EDEM1: variants seen among roughly 807,000 people sequenced by gnomAD.
EDEM1 encodes ER degradation enhancing alpha-mannosidase like protein 1, also known as ER degradation-enhancing alpha-mannosidase-like protein 1.
EDEM1 carries 67 observed loss-of-function variants against 74.4 expected under a neutral mutation model. The ratio of observed to expected loss-of-function variants is 0.90; its 90% CI spans 0.74 to 1.10. EDEM1 has a LOEUF of 1.10. Ranked by LOEUF, EDEM1 falls within the 50% of genes least tolerant of loss-of-function variation. The pLI is 0.00. For synonymous variants in EDEM1, 382 were observed against 335.9 expected (o/e 1.14, Z -1.50); for missense variants, 926 against 851.6 (o/e 1.09, Z -1.09).
At position 5,211,103 on chromosome 3, in the gene EDEM1, A is replaced by G. The variant is rs77071113; in HGVS notation, c.1584-17A>G. The G allele has an allele frequency of 7.0e-3, 11,250 of 1,613,068 alleles. 665 individuals carry two copies. The African/African-American group carries it at 0.13, about 19-fold the overall frequency. ...GGAAGGAAGAGAGGCAGGACTGACC[A>G]GATGATTGTTTTGTAGGTGTGGGTA... On this transcript the variant is annotated splice_polypyrimidine_tract_variant and intron_variant, in intron 9 of 11. Transcript: ENST00000256497.
chr3:5,211,095 G>T, intron 9 of EDEM1, 25 bp from the exon 10 acceptor site: 2 of 1,610,790 alleles, frequency 1.2e-6, no homozygotes, highest in South Asian at 1.1e-5. Flanking sequence ...AGAGAGGCAG[G>T]ACTGACCAGA....
intron 10 of EDEM1, among the ~76,000 whole-genome samples, chr3:5,211,908 C>T (rs1445520647): frequency 1.3e-5 from 2 of 152,194 alleles, no homozygotes; most frequent in Non-Finnish European, 2.9e-5. Context: ...TACAGCCACT[C>T]TCGTGCCCCC....
rs186329245 is a variant in EDEM1 at position 5,200,534 on chromosome 3, T to C, written c.686+839T>C. On this transcript the variant is annotated intron_variant, in intron 3 of 11. Transcript: ENST00000256497. The stretch of plus-strand genomic sequence containing the variant: ...TACCTAGTATATTGTATATTGCTTT[T>C]TTTGATACATTGTGGTTATTTTCCT... Among the ~76,000 whole-genome samples the C allele has an allele frequency of 1.4e-3, 207 of 152,372 alleles. 1 individual carries two copies. The highest frequency in any genetic ancestry group is 4.9e-3 in the African/African-American group (202 of 41,590).
intron 11 of EDEM1, among the ~76,000 whole-genome samples, chr3:5,215,316 G>GA (rs374100110): frequency 3.4e-4 from 51 of 151,628 alleles, no homozygotes; most frequent in Admixed American, 9.2e-4. Flanking sequence ...TTTAATTAAA[G>GA]AAATAGTCTT....
chr3:5,218,635 G>C lies in EDEM1; in HGVS notation c.*2717G>C, dbSNP rs2055271748. 1 of 152,146 alleles carries C rather than the reference G, an allele frequency of 6.6e-6. No individual in the cohort carries two copies. The highest frequency in any genetic ancestry group is 6.5e-5 in the Admixed American group (1 of 15,278). The allele number at this position is 152,146 out of a possible 1,614,324, so 9.4% of individuals were successfully genotyped here. On this transcript the variant is annotated 3_prime_UTR_variant, in exon 12 of 12. Transcript: ENST00000256497. ...CTCAGTGTGGTGGAAACATTTTGCA[G>C]AACTGTTGTAGAAAGCTGCCTTATA...
chr3:5,191,774 A>G (rs1365257988), intron 1 of EDEM1, among the ~76,000 whole-genome samples: 1 of 152,186 alleles, frequency 6.6e-6, no homozygotes, highest in Non-Finnish European at 1.5e-5. Context: ...AACACTCTAA[A>G]AAGAGCAGAT....
intron 1 of EDEM1, 110 bp downstream of exon 1, chr3:5,188,424 A>C: frequency 8.2e-7 from 1 of 1,217,712 alleles, no homozygotes; most frequent in Non-Finnish European, 1.1e-6. Flanking sequence ...CAGGGCCGTT[A>C]GGGTCCCGGG....
Position 5,213,345 on chromosome 3 carries a change from C to G in EDEM1, c.1707C>G (p.His569Gln). 6.2e-7 allele frequency: 1 copy of G among 1,613,882 alleles called. No individual in the cohort carries two copies. Among genetic ancestry groups the G allele is most frequent in the Non-Finnish European group, 8.5e-7 (1 of 1,179,902 alleles). Residue 569 changes from histidine (H) to glutamine (Q), a missense_variant, in exon 11 of 12, where the codon CAC becomes CAG. Transcript: ENST00000256497. ...YLLFDEDNPV[H>Q]KSGTRYMFTT... ...TGTTTGATGAAGACAATCCAGTACACAAGTCTGGAACCAGATACATGTTCA... is the reference window on the plus strand; with the variant it reads ...TGTTTGATGAAGACAATCCAGTACAGAAGTCTGGAACCAGATACATGTTCA...
rs756338668 is a variant in EDEM1 at position 5,207,260 on chromosome 3, T to C, written c.1325T>C (p.Phe442Ser). The C allele has an allele frequency of 1.9e-6, 3 of 1,614,098 alleles. No individual in the cohort carries two copies. The highest frequency in any genetic ancestry group is 1.6e-4 in the Middle Eastern group (1 of 6,062). The part of the protein sequence containing the change: ...NTWIDSLQAF[F>S]PGLQVLIGDV... ...TGGATTGACTCTCTGCAGGCCTTTT[T>C]CCCTGGACTGCAGGTATTTTGCCAT... Residue 442 changes from phenylalanine to serine, a missense_variant, in exon 7 of 12, where the codon TTC (phenylalanine) becomes TCC (serine). By Grantham distance (155) the Phe-to-Ser change is radical. Coordinates refer to ENST00000256497, the MANE Select transcript of EDEM1 (RefSeq NM_014674.3).
chr3:5,206,809 T>A (rs1575589734), intron 6 of EDEM1, among the ~76,000 whole-genome samples: 2 of 152,238 alleles, frequency 1.3e-5, no homozygotes, highest in South Asian at 4.1e-4. Context: ...ACCAAGCTTT[T>A]CTGCTCAGGT....
chr3:5,201,800 A>G lies in EDEM1; in HGVS notation c.734A>G (p.Lys245Arg), dbSNP rs762666826. The change falls in exon 4 of 12, where the codon AAG becomes AGG. Residue 245 changes from lysine (K) to arginine (R), a missense_variant. Physicochemically the swap from Lys to Arg is conservative, Grantham distance 26. Transcript: ENST00000256497. Reference sequence around the variant, plus strand: ...GCTCACAGAATAATAACTGACTCCAAGCAGCCCTTTGGTGACATGACAATT... The same window carrying G: ...GCTCACAGAATAATAACTGACTCCAGGCAGCCCTTTGGTGACATGACAATT... ...LSAHRIITDS[K>R]QPFGDMTIKD... 9.3e-6 allele frequency: 15 copies of G among 1,614,066 alleles called. No homozygotes were observed. The highest frequency in any genetic ancestry group is 6.7e-5 in the East Asian group (3 of 44,896).
intron 1 of EDEM1, 82 bp from the exon 2 acceptor site, chr3:5,195,127 A>G (rs903313635): frequency 6.9e-6 from 5 of 724,598 alleles, no homozygotes; most frequent in African/African-American, 5.5e-5. Context: ...GCTGGCAATT[A>G]TAGTTTCTGA....
At chr3:5,212,032 A>G (rs1246665539) in intron 10 of EDEM1, among the ~76,000 whole-genome samples, 1 of 152,196 alleles carries the variant, frequency 6.6e-6, no homozygotes, top group East Asian at 1.9e-4. Flanking sequence ...CAGCTGTGAT[A>G]AATTGTGTTT....
At position 5,217,101 on chromosome 3, in the gene EDEM1, C is replaced by G. The variant is rs1278367176; in HGVS notation, c.*1183C>G. ...CTATGGTTTCAGGAGGCCTGTTTAG[C>G]CACATGGTGAGACCGTGGTGAAAGG... On this transcript the variant is annotated 3_prime_UTR_variant, in exon 12 of 12. Coordinates refer to ENST00000256497, the MANE Select transcript of EDEM1 (RefSeq NM_014674.3). 6.6e-6 allele frequency: 1 copy of G among 152,656 alleles called. No homozygotes were observed. The allele number at this position is 152,656 out of a possible 1,614,324, so 9.5% of individuals were successfully genotyped here.
chr3:5,199,805 AT>A, intron 3 of EDEM1, 110 bp downstream of exon 3: 1 of 706,036 alleles, frequency 1.4e-6, no homozygotes, highest in Non-Finnish European at 2.3e-6. Context: ...GGGAGTCCAT[AT>A]GGGCTTTATG....
At position 5,215,970 on chromosome 3, in the gene EDEM1, G is replaced by A; in HGVS notation, c.*52G>A. 5 of 1,490,910 alleles carry A rather than the reference G, an allele frequency of 3.4e-6. No homozygotes were observed. The highest frequency in any genetic ancestry group is 4.6e-6 in the Non-Finnish European group (5 of 1,081,342). 92.4% of individuals were successfully genotyped at this position (1,490,910 alleles called of 1,614,324 possible). ...AACCAGACCTTAACGACCAAACCCA[G>A]ACCATGCCAAAGTCCAGTCTGAAAT... On this transcript the variant is annotated 3_prime_UTR_variant, in exon 12 of 12. Coordinates refer to ENST00000256497, the MANE Select transcript of EDEM1 (RefSeq NM_014674.3).
At position 5,193,170 on chromosome 3, in the gene EDEM1, A is replaced by G. The variant is rs1001295584; in HGVS notation, c.510-2039A>G. Among the ~76,000 whole-genome samples, 5 of 152,174 alleles carry G rather than the reference A, an allele frequency of 3.3e-5. No homozygotes were observed. The South Asian group carries it at 1.0e-3, about 31-fold the overall frequency. ...GTTACATGTGGTTCTCCTGATTACC[A>G]TCTAGCTTGGATGCTACATGATGAG... On this transcript the variant is annotated intron_variant, in intron 1 of 11. Transcript: ENST00000256497.
intron 4 of EDEM1, among the ~76,000 whole-genome samples, chr3:5,202,582 G>A (rs1268830802): frequency 2.6e-5 from 4 of 152,162 alleles, no homozygotes; most frequent in African/African-American, 9.6e-5. Context: ...GTTTGTTTAG[G>A]TGCTGAGCAG....
intron 4 of EDEM1, among the ~76,000 whole-genome samples, chr3:5,202,255 CT>C (rs542727433): frequency 3.0e-4 from 45 of 152,156 alleles, no homozygotes; most frequent in Admixed American, 1.1e-3. Flanking sequence ...GGGAGTTTGT[CT>C]TCATCTCTGA....
Sources: gnomAD v4.1 joint callset for allele counts (sites outside exome capture counted in the v4.1 genomes callset) on GRCh38, gnomAD v4.1.1 for gene constraint, MANE v1.5 for transcripts, NCBI Gene and HGNC (gene_info 2026-07-23, HGNC 2026-07-21) for gene names.